PRR16: variants seen among roughly 807,000 people sequenced by gnomAD.
PRR16 encodes proline rich 16, also known as protein Largen.
In PRR16, 6 loss-of-function variants were observed where a neutral mutation model predicts 18.2. The ratio of observed to expected loss-of-function variants is 0.33; its 90% CI spans 0.18 to 0.65. The LOEUF (loss-of-function observed/expected upper bound fraction) is 0.65, where lower values mean the gene tolerates loss of function less well. Among genes scored for constraint, PRR16 ranks in the 30% least tolerant of loss-of-function variants. PRR16 has a pLI of 0.74. For synonymous variants in PRR16, 151 were observed against 147.8 expected (o/e 1.02, Z -0.16); for missense variants, 412 against 376.6 (o/e 1.09, Z -0.78).
At chr5:120,737,899 G>C in the PRR16 span, among the ~76,000 whole-genome samples, 1 of 151,844 alleles carries the variant, frequency 6.6e-6, no homozygotes. Context: ...TATTTTGTTT[G>C]CATTTTACAA....
intron 1 of PRR16, among the ~76,000 whole-genome samples, chr5:120,498,070 T>C (rs1452771770): frequency 2.0e-5 from 3 of 151,238 alleles, no homozygotes; most frequent in African/African-American, 7.3e-5. Flanking sequence ...TTAATTTTTG[T>C]TTTTGTGTTT....
rs112703720 is a variant in PRR16, at chr5:120,526,998, C to T, written c.159+62353C>T. 5.6e-3 allele frequency among the ~76,000 whole-genome samples: 854 copies of T among 152,228 alleles called. 9 individuals are homozygous for T. The highest frequency in any genetic ancestry group is 0.02 in the African/African-American group (819 of 41,540). On this transcript the variant is annotated intron_variant, in intron 1 of 1. Transcript: ENST00000407149. ...CTTGTTTAGCTGAAGCTTTATGCCC[C>T]GTGATTAGTAACTACTCAGTTCTCC... is the stretch of plus-strand genomic sequence containing the variant.
At chr5:120,474,606 AAC>A (rs1267640773) in intron 1 of PRR16, among the ~76,000 whole-genome samples, 2,125 of 91,944 alleles carry the variant, frequency 0.023, 51 homozygotes, top group African/African-American at 0.091. Flanking sequence ...TTAAAAAAAA[AAC>A]CCATTATCTG....
intron 1 of PRR16, among the ~76,000 whole-genome samples, chr5:120,550,270 G>T (rs1752212676): frequency 6.6e-6 from 1 of 151,956 alleles, no homozygotes; most frequent in African/African-American, 2.4e-5. Context: ...GTGCATGTTG[G>T]GTTTGAATAG....
At chr5:120,636,886 A>T (rs917851551) in intron 1 of PRR16, among the ~76,000 whole-genome samples, 12 of 152,288 alleles carry the variant, frequency 7.9e-5, no homozygotes, top group Middle Eastern at 3.4e-3. Flanking sequence ...TTCACAATCT[A>T]TACATCCAAT....
chr5:120,662,438 G>A (rs75262462), intron 1 of PRR16, among the ~76,000 whole-genome samples: 4 of 151,890 alleles, frequency 2.6e-5, no homozygotes, highest in East Asian at 3.9e-4. Flanking sequence ...CTGGAACTCA[G>A]TTTTTTTCTT....
chr5:120,570,420 G>C (rs1524571), intron 1 of PRR16, among the ~76,000 whole-genome samples: 29,130 of 152,038 alleles, frequency 0.19, 3,067 homozygotes, highest in Non-Finnish European at 0.21. Flanking sequence ...CCCTGCACAG[G>C]TTGATATGTT....
At chr5:120,754,583 A>ATT in the PRR16 span, among the ~76,000 whole-genome samples, 5 of 100,602 alleles carry the variant, frequency 5.0e-5, no homozygotes, top group Non-Finnish European at 9.3e-5. Flanking sequence ...TATATTTTAT[A>ATT]TATTATATAT....
chr5:120,704,697 G>A, the PRR16 span, among the ~76,000 whole-genome samples: 1 of 152,074 alleles, frequency 6.6e-6, no homozygotes, highest in Non-Finnish European at 1.5e-5. Flanking sequence ...TCTTTACAGT[G>A]CGCTCAGACA....
intron 1 of PRR16, among the ~76,000 whole-genome samples, chr5:120,593,048 C>G (rs1455611329): frequency 6.6e-6 from 1 of 151,914 alleles, no homozygotes; most frequent in African/African-American, 2.4e-5. Context: ...CCTAAATGCC[C>G]ACATCCAAAA....
chr5:120,789,542 A>T, the PRR16 span, among the ~76,000 whole-genome samples: 143 of 152,240 alleles, frequency 9.4e-4, 3 homozygotes, highest in Middle Eastern at 0.048. Flanking sequence ...CATCATTCTT[A>T]CATTATACAG....
intron 1 of PRR16, among the ~76,000 whole-genome samples, chr5:120,571,350 G>T (rs1752900971): frequency 6.6e-6 from 1 of 152,180 alleles, no homozygotes; most frequent in African/African-American, 2.4e-5. Context: ...TGTGAATGCA[G>T]TGGGAGTGTG....
chr5:120,744,328 T>C, the PRR16 span, among the ~76,000 whole-genome samples: 1 of 152,204 alleles, frequency 6.6e-6, no homozygotes, highest in Non-Finnish European at 1.5e-5. Context: ...AAAGGGACCC[T>C]TTACGTTTGA....
At chr5:120,663,251 A>T (rs1561601564) in intron 1 of PRR16, among the ~76,000 whole-genome samples, 1 of 152,064 alleles carries the variant, frequency 6.6e-6, no homozygotes, top group Non-Finnish European at 1.5e-5. Context: ...CAACACAGTG[A>T]ATTATGCCTT....
intron 1 of PRR16, among the ~76,000 whole-genome samples, chr5:120,661,976 T>C (rs546765518): frequency 6.6e-6 from 1 of 152,182 alleles, no homozygotes; most frequent in East Asian, 1.9e-4. Flanking sequence ...TGGGCTGGGG[T>C]ATCCACATAT....
At chr5:120,580,411 A>G (rs188001333) in intron 1 of PRR16, among the ~76,000 whole-genome samples, 23 of 150,334 alleles carry the variant, frequency 1.5e-4, no homozygotes, top group Admixed American at 1.3e-3. Context: ...TTCCATCAAT[A>G]CCTAGTTAAT....
intron 1 of PRR16, among the ~76,000 whole-genome samples, chr5:120,576,126 C>T (rs932079287): frequency 7.9e-5 from 12 of 151,948 alleles, no homozygotes; most frequent in African/African-American, 2.2e-4. Context: ...AGATTTTTTT[C>T]GATAAAACCT....
At chr5:120,704,163 T>C in the PRR16 span, among the ~76,000 whole-genome samples, 1 of 152,096 alleles carries the variant, frequency 6.6e-6, no homozygotes, top group Non-Finnish European at 1.5e-5. Flanking sequence ...AAAAGGGGTA[T>C]GGGAAACAAA....
chr5:120,564,495 C>T lies in PRR16; in HGVS notation c.159+99850C>T, dbSNP rs1426636700. Among the ~76,000 whole-genome samples the T allele has an allele frequency of 3.3e-5, 4 of 119,624 alleles. No homozygotes were observed. The South Asian group carries it at 7.8e-4, about 23-fold the overall frequency. The allele number at this position is 119,624 out of a possible 152,430, so 78.5% of individuals were successfully genotyped here. On this transcript the variant is annotated intron_variant, in intron 1 of 1. Coordinates refer to ENST00000407149, the MANE Select transcript of PRR16 (RefSeq NM_001300783.2). ...TCTAAATGCTCCCTACATGCAAGGG[C>T]GCTGGCTGAGGCAAGCATGTCTTTG...
Sources: gnomAD v4.1 joint callset for allele counts (sites outside exome capture counted in the v4.1 genomes callset) on GRCh38, gnomAD v4.1.1 for gene constraint, MANE v1.5 for transcripts, NCBI Gene and HGNC (gene_info 2026-07-23, HGNC 2026-07-21) for gene names.